The following NYAP2 variants were observed in gnomAD, a reference collection of about 807,000 sequenced individuals.
NYAP2 encodes the protein neuronal tyrosine-phosphorylated phosphoinositide-3-kinase adapter 2.
NYAP2 carries 23 observed loss-of-function variants against 50.4 expected under a neutral mutation model. That is an observed-to-expected ratio of 0.46 (90% CI 0.33 to 0.65). The LOEUF (loss-of-function observed/expected upper bound fraction) is 0.65, where lower values mean the gene tolerates loss of function less well. Ranked by LOEUF, NYAP2 falls within the 30% of genes least tolerant of loss-of-function variation. The pLI is 0.02. For missense variants in NYAP2, 885 were observed against 861.0 expected (o/e 1.03, Z -0.35); for synonymous variants, 394 against 365.2 (o/e 1.08, Z -0.90).
chr2:225,678,145 G>A, the NYAP2 span, among the ~76,000 whole-genome samples: 1 of 151,902 alleles, frequency 6.6e-6, no homozygotes, highest in Non-Finnish European at 1.5e-5. Context: ...TGAATCTTTG[G>A]AGGCTGTGTG....
chr2:225,523,764 C>T (rs1003813151), intron 4 of NYAP2, among the ~76,000 whole-genome samples: 3 of 152,014 alleles, frequency 2.0e-5, no homozygotes, highest in African/African-American at 7.2e-5. Context: ...CAAAGCAATC[C>T]TTAAAAGGAA....
chr2:225,403,033 C>A (rs1014837742), intron 2 of NYAP2, among the ~76,000 whole-genome samples: 10 of 152,056 alleles, frequency 6.6e-5, no homozygotes, highest in African/African-American at 2.4e-4. Context: ...CATTTTCATA[C>A]ACAATGTGTT....
At chr2:225,608,946 C>T (rs1361953634) in intron 5 of NYAP2, among the ~76,000 whole-genome samples, 1 of 152,108 alleles carries the variant, frequency 6.6e-6, no homozygotes, top group African/African-American at 2.4e-5. Context: ...TTTGTGTCTT[C>T]TCTTTTCATT....
At chr2:225,540,323 C>T (rs1406091937) in intron 4 of NYAP2, among the ~76,000 whole-genome samples, 1 of 152,154 alleles carries the variant, frequency 6.6e-6, no homozygotes, top group Admixed American at 6.5e-5. Context: ...TGAATACATA[C>T]TTGAGACTGG....
At chr2:225,672,314 G>A in the NYAP2 span, among the ~76,000 whole-genome samples, 3 of 152,188 alleles carry the variant, frequency 2.0e-5, no homozygotes, top group South Asian at 6.2e-4. Context: ...TATGAAAATG[G>A]CTACTTTCTT....
the NYAP2 span, among the ~76,000 whole-genome samples, chr2:225,696,838 ATCACTTTAACTC>A: frequency 6.6e-6 from 1 of 151,962 alleles, no homozygotes; most frequent in East Asian, 1.9e-4. Context: ...GAGTTACCAA[ATCACTTTAACTC>A]TCATTTTATT....
At chr2:225,611,025 A>G (rs978057351) in intron 5 of NYAP2, among the ~76,000 whole-genome samples, 15 of 152,302 alleles carry the variant, frequency 9.8e-5, no homozygotes, top group African/African-American at 3.4e-4. Context: ...AGCTTAATTT[A>G]TGGACTTCAA....
At chr2:225,626,597 A>C (rs1004702026) in intron 5 of NYAP2, among the ~76,000 whole-genome samples, 3 of 152,216 alleles carry the variant, frequency 2.0e-5, no homozygotes, top group African/African-American at 7.2e-5. Flanking sequence ...TGTAAAGATT[A>C]GAAAGTAAAG....
intron 3 of NYAP2, among the ~76,000 whole-genome samples, chr2:225,438,404 A>C (rs924055846): frequency 6.6e-6 from 1 of 152,246 alleles, no homozygotes; most frequent in African/African-American, 2.4e-5. Context: ...CATTCATCAC[A>C]GTGCATTGCC....
intron 3 of NYAP2, among the ~76,000 whole-genome samples, chr2:225,413,828 G>A (rs1168105681): frequency 1.3e-5 from 2 of 152,172 alleles, no homozygotes; most frequent in Non-Finnish European, 2.9e-5. Context: ...ATATACTGCT[G>A]TTTAGTGTAT....
At chr2:225,424,088 T>C (rs1695253318) in intron 3 of NYAP2, among the ~76,000 whole-genome samples, 1 of 152,202 alleles carries the variant, frequency 6.6e-6, no homozygotes, top group African/African-American at 2.4e-5. Context: ...TTTTATTTTA[T>C]TTTGTTTACA....
the NYAP2 span, among the ~76,000 whole-genome samples, chr2:225,667,503 A>G: frequency 6.6e-6 from 1 of 152,122 alleles, no homozygotes; most frequent in Non-Finnish European, 1.5e-5. Flanking sequence ...GCTCTGGGAG[A>G]ATTAGGAACC....
At position 225,620,943 on chromosome 2, in the gene NYAP2, A is replaced by G. The variant is rs149103153; in HGVS notation, c.1619-5974A>G. Among the ~76,000 whole-genome samples the G allele has an allele frequency of 5.0e-3, 765 of 152,068 alleles. 39 individuals are homozygous for G. In the East Asian group the frequency reaches 0.12, roughly 25 times the overall value. On this transcript the variant is annotated intron_variant, in intron 5 of 6. Transcript: ENST00000636099. ...ATTCTGGCTAACATGGTGAAACCCC[A>G]TCTCTACTGAAAATACAAAAATTAG...
chr2:225,490,101 C>A (rs1228427250), intron 3 of NYAP2, among the ~76,000 whole-genome samples: 2 of 152,124 alleles, frequency 1.3e-5, no homozygotes, highest in African/African-American at 4.8e-5. Flanking sequence ...TTTGACAAGT[C>A]AAACTGTGTT....
intron 5 of NYAP2, among the ~76,000 whole-genome samples, chr2:225,603,271 G>T (rs1451141769): frequency 6.6e-6 from 1 of 152,070 alleles, no homozygotes; most frequent in Non-Finnish European, 1.5e-5. Context: ...CCTAGTCTGT[G>T]CCAGGCATTA....
At chr2:225,532,605 G>A (rs114973050) in intron 4 of NYAP2, among the ~76,000 whole-genome samples, 2,885 of 152,226 alleles carry the variant, frequency 0.019, 97 homozygotes, top group African/African-American at 0.066. Flanking sequence ...ACTTAGAGAA[G>A]CCAAACTCCT....
intron 4 of NYAP2, among the ~76,000 whole-genome samples, chr2:225,547,193 T>C (rs75722403): frequency 0.014 from 2,156 of 152,332 alleles, 20 homozygotes; most frequent in Middle Eastern, 0.027. Context: ...AGTTCTTGAA[T>C]GGCATTTCTG....
At chr2:225,701,909 T>G in the NYAP2 span, 13 of 151,786 alleles carry the variant, frequency 8.6e-5, no homozygotes, top group African/African-American at 2.9e-4. Flanking sequence ...TTAGTTTGAT[T>G]CTTTTGAGCA....
At chr2:225,666,148 T>C in the NYAP2 span, among the ~76,000 whole-genome samples, 463 of 152,224 alleles carry the variant, frequency 3.0e-3, 7 homozygotes, top group African/African-American at 0.011. Flanking sequence ...CTCCAAAGTC[T>C]CCATGCGCTA....
Sources: gnomAD v4.1 joint callset for allele counts (sites outside exome capture counted in the v4.1 genomes callset) on GRCh38, gnomAD v4.1.1 for gene constraint, MANE v1.5 for transcripts, NCBI Gene and HGNC (gene_info 2026-07-23, HGNC 2026-07-21) for gene names.